FSIP2: variants seen among roughly 807,000 people sequenced by gnomAD.
FSIP2 encodes the protein fibrous sheath-interacting protein 2.
In FSIP2, 367 loss-of-function variants were observed where a neutral mutation model predicts 510.5. The ratio of observed to expected loss-of-function variants is 0.72; its 90% CI spans 0.66 to 0.78. FSIP2 has a LOEUF of 0.78. FSIP2 is among the 30% of genes least tolerant of loss of function. The pLI, the probability that FSIP2 is intolerant of heterozygous loss-of-function variation, is 0.00. For synonymous variants in FSIP2, 2,601 were observed against 2,732.2 expected (o/e 0.95, Z 1.50); for missense variants, 7,594 against 7,901.7 (o/e 0.96, Z 1.48).
At chr2:185,752,518 CTT>C (rs1417887312) in intron 7 of FSIP2, among the ~76,000 whole-genome samples, 3 of 151,098 alleles carry the variant, frequency 2.0e-5, no homozygotes, top group Non-Finnish European at 4.4e-5. Context: ...TTTATTTTAT[CTT>C]TTCTCTCCTC....
intron 13 of FSIP2, among the ~76,000 whole-genome samples, chr2:185,772,413 G>A (rs1025700913): frequency 6.6e-6 from 1 of 152,140 alleles, no homozygotes; most frequent in Admixed American, 6.6e-5. Context: ...TTTTCTCACG[G>A]TTCTGCATGG....
chr2:185,776,682 T>G (rs1574171071), intron 13 of FSIP2, among the ~76,000 whole-genome samples: 1 of 152,140 alleles, frequency 6.6e-6, no homozygotes, highest in African/African-American at 2.4e-5. Flanking sequence ...CATTTTTAAG[T>G]GTTTTATGGA....
chr2:185,745,603 G>A (rs765392511), intron 5 of FSIP2, 35 bp downstream of exon 5: 24 of 1,500,576 alleles, frequency 1.6e-5, no homozygotes, highest in South Asian at 1.0e-4. Context: ...TTATGGGTAT[G>A]TTGTGGACCC....
rs1052950107 is a variant in FSIP2 at position 185,747,354 on chromosome 2, A to C, written c.801A>C (p.Ala267=). The change falls in exon 7 of 23, where the codon GCA becomes GCC. Residue 267 remains alanine, a synonymous_variant. Transcript: ENST00000424728. ...AGATGTTACTTCTGACAAGGATGGC[A>C]GAAGATGTTAAAAGAGAAGAGAGGA... The part of the protein sequence containing the change: ...TKEMLLLTRM[A]EDVKREERIE... The C allele has an allele frequency of 5.7e-5, 88 of 1,532,940 alleles. 1 individual carries two copies. In the Admixed American group the frequency reaches 1.5e-3, roughly 27 times the overall value. The allele number at this position is 1,532,940 out of a possible 1,614,324, so 95.0% of individuals were successfully genotyped here. A position where few individuals can be genotyped will look rare whatever the true frequency, so the allele number is the denominator to read the frequency against.
chr2:185,792,128 T>C lies in FSIP2; in HGVS notation c.4992T>C (p.Asp1664=). 1 of 1,533,894 alleles carries C rather than the reference T, an allele frequency of 6.5e-7. No individual in the cohort carries two copies. The change falls in exon 16 of 23, where the codon GAT becomes GAC. Residue 1664 remains aspartate (D), a synonymous_variant. Transcript: ENST00000424728. ...CAGAATTAAATGTGACCTCATCAGA[T>C]TTGAAGACAAGTGTAGAAAACCCAC... ...IQTELNVTSS[D]LKTSVENPPP...
In FSIP2 at chr2:185,794,408, A is replaced by G. The variant is rs1186868802; in HGVS notation, c.7272A>G (p.Leu2424=). The change falls in exon 16 of 23, where the codon TTA becomes TTG. Residue 2424 remains leucine, a synonymous_variant. Transcript: ENST00000424728. ...ATTCTAACTTTTCACAATTAGCTTT[A>G]TCAAATGAAATATTGCTGGGTCACA... ...KENSNFSQLA[L]SNEILLGHKE... 1 of 1,517,398 alleles carries G rather than the reference A, an allele frequency of 6.6e-7. No individual in the cohort carries two copies. The highest frequency in any genetic ancestry group is 1.4e-5 in the African/African-American group (1 of 71,704). 94.0% of individuals were successfully genotyped at this position (1,517,398 alleles called of 1,614,324 possible).
At chr2:185,820,968 A>C (rs1693905093) in intron 19 of FSIP2, among the ~76,000 whole-genome samples, 1 of 150,500 alleles carries the variant, frequency 6.6e-6, no homozygotes, top group Non-Finnish European at 1.5e-5. Flanking sequence ...ATAGAGAATA[A>C]AAACAGTAGA....
In FSIP2 at chr2:185,801,808, T is replaced by A. The variant is rs1693443213; in HGVS notation, c.12502T>A (p.Tyr4168Asn). Reference sequence around the variant, plus strand: ...TACATGTTCCTCTTTAGGAAAAAAATATTTAATGAGTTCTGATTTTAATGA... The same window carrying A: ...TACATGTTCCTCTTTAGGAAAAAAAAATTTAATGAGTTCTGATTTTAATGA... ...PITCSSLGKKYLMSSDFNEMS... is the reference protein window; with the variant it reads ...PITCSSLGKKNLMSSDFNEMS... The change falls in exon 17 of 23, where the codon TAT (tyrosine) becomes AAT (asparagine). Residue 4168 changes from tyrosine to asparagine, a missense_variant. Coordinates refer to ENST00000424728, the MANE Select transcript of FSIP2 (RefSeq NM_173651.4). 1 of 1,491,456 alleles carries A rather than the reference T, an allele frequency of 6.7e-7. No homozygotes were observed. Among genetic ancestry groups the A allele is most frequent in the African/African-American group, 1.4e-5 (1 of 70,750 alleles). 92.4% of individuals were successfully genotyped at this position (1,491,456 alleles called of 1,614,324 possible). A position where few individuals can be genotyped will look rare whatever the true frequency, so the allele number is the denominator to read the frequency against.
At chr2:185,784,327 C>T (rs1434256356) in intron 14 of FSIP2, among the ~76,000 whole-genome samples, 1 of 152,008 alleles carries the variant, frequency 6.6e-6, no homozygotes, top group Non-Finnish European at 1.5e-5. Context: ...AAATCTACTA[C>T]CCTGAAGACT....
intron 8 of FSIP2, among the ~76,000 whole-genome samples, chr2:185,754,269 A>G (rs1281277306): frequency 6.6e-6 from 1 of 151,496 alleles, no homozygotes; most frequent in Non-Finnish European, 1.5e-5. Flanking sequence ...GTTTCAAAGG[A>G]GGAATGGCTT....
chr2:185,801,682 T>G lies in FSIP2; in HGVS notation c.12376T>G (p.Ser4126Ala). 1 of 1,527,238 alleles carries G rather than the reference T, an allele frequency of 6.5e-7. No individual in the cohort carries two copies. Among genetic ancestry groups the G allele is most frequent in the Non-Finnish European group, 8.7e-7 (1 of 1,143,116 alleles). 94.6% of individuals were successfully genotyped at this position (1,527,238 alleles called of 1,614,324 possible). The change falls in exon 17 of 23, where the codon TCT becomes GCT. Residue 4126 changes from serine (S) to alanine (A), a missense_variant. By Grantham distance (99) the Ser-to-Ala change is moderately conservative. Transcript: ENST00000424728. ...TCAAAGTAACCTAACAGAATTTACT[T>G]CTCTACCCAGGTCTTCATCAGACTA... ...KLQSNLTEFT[S>A]LPRSSSDYST...
Position 185,800,024 on chromosome 2 carries a change from T to G in FSIP2, c.10718T>G (p.Ile3573Ser). The G allele has an allele frequency of 6.6e-7, 1 of 1,521,294 alleles. No individual in the cohort carries two copies. The highest frequency in any genetic ancestry group is 1.4e-5 in the African/African-American group (1 of 72,286). The allele number at this position is 1,521,294 out of a possible 1,614,324, so 94.2% of individuals were successfully genotyped here. ...ATTAAAATTCTTTTTAATAATAAAATTATACAGGCTGACATTGCACAGAAA... is the reference window on the plus strand; with the variant it reads ...ATTAAAATTCTTTTTAATAATAAAAGTATACAGGCTGACATTGCACAGAAA... Reference protein sequence around the residue: ...IIIKILFNNKIIQADIAQKMV... With the variant: ...IIIKILFNNKSIQADIAQKMV... The change falls in exon 17 of 23, where the codon ATT becomes AGT. Residue 3573 changes from isoleucine to serine, a missense_variant. By Grantham distance (142) the Ile-to-Ser change is moderately radical. Coordinates refer to ENST00000424728, the MANE Select transcript of FSIP2 (RefSeq NM_173651.4).
intron 7 of FSIP2, among the ~76,000 whole-genome samples, chr2:185,748,648 T>G (rs548226952): frequency 1.3e-5 from 2 of 152,192 alleles, no homozygotes; most frequent in Admixed American, 1.3e-4. Flanking sequence ...TAATGTCAAT[T>G]ACTACCCAAA....
At position 185,795,385 on chromosome 2, in the gene FSIP2, T is replaced by C. The variant is rs1318029238; in HGVS notation, c.8249T>C (p.Ile2750Thr). 8.5e-6 allele frequency: 13 copies of C among 1,534,724 alleles called. No homozygotes were observed. The highest frequency in any genetic ancestry group is 2.7e-5 in the African/African-American group (2 of 72,870). The change falls in exon 16 of 23, where the codon ATT becomes ACT. Residue 2750 changes from isoleucine to threonine, a missense_variant. Coordinates refer to ENST00000424728, the MANE Select transcript of FSIP2 (RefSeq NM_173651.4). ...ATAATAATTAACATCCTAGAAACAA[T>C]TGTGAAGGAATTTGGAAAGGTAAAG... Reference protein sequence around the residue: ...KDIIINILETIVKEFGKVKQT... With the variant: ...KDIIINILETTVKEFGKVKQT...
At position 185,797,375 on chromosome 2, in the gene FSIP2, G is replaced by GA. The variant is rs1370547117; in HGVS notation, c.10247dup (p.Glu3417GlyfsTer12). On this transcript the variant is annotated frameshift_variant, in exon 16 of 23. Coordinates refer to ENST00000424728, the MANE Select transcript of FSIP2 (RefSeq NM_173651.4). LOFTEE classifies it high-confidence loss of function. ...AAGATTCTTCTTTTTTGCAAAAATT[G>GA]AAAAAAAAGGAGTACCCAAAGATAG... is the stretch of plus-strand genomic sequence containing the variant. 1.1e-5 allele frequency: 17 copies of GA among 1,521,314 alleles called. No individual in the cohort carries two copies. The highest frequency in any genetic ancestry group is 6.3e-5 in the Admixed American group (3 of 47,558). The allele number at this position is 1,521,314 out of a possible 1,614,324, so 94.2% of individuals were successfully genotyped here. A position where few individuals can be genotyped will look rare whatever the true frequency, so the allele number is the denominator to read the frequency against.
Position 185,802,010 on chromosome 2 carries a change from T to C in FSIP2, c.12704T>C (p.Ile4235Thr), listed in dbSNP as rs1264240627. The part of the protein sequence containing the change: ...SDSLVSIQKS[I>T]VSRSPIMIDQ... ...TCTCTTGTTTCAATACAAAAAAGTA[T>C]AGTAAGCCGAAGCCCAATTATGATT... The change falls in exon 17 of 23, where the codon ATA (isoleucine) becomes ACA (threonine). Residue 4235 changes from isoleucine to threonine, a missense_variant. Ile to Thr is a moderately conservative substitution (Grantham distance 89, BLOSUM62 -1). Transcript: ENST00000424728. The C allele has an allele frequency of 1.3e-6, 2 of 1,527,074 alleles. No individual in the cohort carries two copies. The highest frequency in any genetic ancestry group is 2.5e-5 in the East Asian group (1 of 40,792). The allele number at this position is 1,527,074 out of a possible 1,614,324, so 94.6% of individuals were successfully genotyped here.
Position 185,756,261 on chromosome 2 carries a change from C to T in FSIP2, c.1061C>T (p.Thr354Ile), listed in dbSNP as rs1208205119. ...MLVYPAGDQN[T>I]YKETHGHTAN... is the part of the protein sequence containing the mutation. ...GTTTATCCTGCTGGAGACCAGAATA[C>T]ATATAAAGAAACACATGGTAATTGA... The change falls in exon 9 of 23, where the codon ACA becomes ATA. Residue 354 changes from threonine (T) to isoleucine (I), a missense_variant. Thr to Ile is a moderately conservative substitution (Grantham distance 89, BLOSUM62 -1). Coordinates refer to ENST00000424728, the MANE Select transcript of FSIP2 (RefSeq NM_173651.4). The T allele has an allele frequency of 7.8e-7, 1 of 1,275,528 alleles. No individual in the cohort carries two copies. The highest frequency in any genetic ancestry group is 2.3e-5 in the Admixed American group (1 of 42,896). 79.0% of individuals were successfully genotyped at this position (1,275,528 alleles called of 1,614,324 possible).
Position 185,789,329 on chromosome 2 carries a change from T to C in FSIP2, c.2193T>C (p.Ala731=). The C allele has an allele frequency of 6.5e-7, 1 of 1,534,940 alleles. No individual in the cohort carries two copies. Among genetic ancestry groups the C allele is most frequent in the Non-Finnish European group, 8.7e-7 (1 of 1,145,996 alleles). ...QAIPSLSSVT[A]EVFVEQCERE... Reference sequence around the variant, plus strand: ...TTCCCTCTCTCTCTTCTGTTACTGCTGAAGTTTTTGTTGAACAATGTGAAC... The same window carrying C: ...TTCCCTCTCTCTCTTCTGTTACTGCCGAAGTTTTTGTTGAACAATGTGAAC... The change falls in exon 16 of 23, where the codon GCT becomes GCC. Residue 731 remains alanine, a synonymous_variant. Coordinates refer to ENST00000424728, the MANE Select transcript of FSIP2 (RefSeq NM_173651.4).
intron 13 of FSIP2, among the ~76,000 whole-genome samples, chr2:185,777,419 T>C (rs1692750738): frequency 6.8e-6 from 1 of 147,636 alleles, no homozygotes; most frequent in African/African-American, 2.5e-5. Context: ...TTTGCACTCT[T>C]CCCTTTCCTA....
Sources: gnomAD v4.1 joint callset for allele counts (sites outside exome capture counted in the v4.1 genomes callset) on GRCh38, gnomAD v4.1.1 for gene constraint, MANE v1.5 for transcripts, NCBI Gene and HGNC (gene_info 2026-07-23, HGNC 2026-07-21) for gene names.